NRG4: variants seen among roughly 807,000 people sequenced by gnomAD.
NRG4 encodes neuregulin 4.
NRG4 carries 10 observed loss-of-function variants against 15.0 expected under a neutral mutation model. The observed-to-expected ratio is 0.67, with a 90% CI of 0.41 to 1.13. The LOEUF (loss-of-function observed/expected upper bound fraction) is 1.13, where lower values mean the gene tolerates loss of function less well. Ranked by LOEUF, NRG4 falls within the 50% of genes most tolerant of loss-of-function variation. The pLI, the probability that NRG4 is intolerant of heterozygous loss-of-function variation, is 0.00. For missense variants in NRG4, 139 were observed against 140.2 expected (o/e 0.99, Z 0.04); for synonymous variants, 41 against 50.1 (o/e 0.82, Z 0.77).
intron 3 of NRG4, among the ~76,000 whole-genome samples, chr15:76,000,043 C>T (rs886250126): frequency 2.0e-5 from 3 of 152,064 alleles, no homozygotes; most frequent in Admixed American, 2.0e-4. Flanking sequence ...GCCACCACAC[C>T]TGGCTACTTT....
chr15:76,059,041 G>A (rs1278909632), intron 1 of NRG4, among the ~76,000 whole-genome samples: 1 of 152,082 alleles, frequency 6.6e-6, no homozygotes, highest in Non-Finnish European at 1.5e-5. Flanking sequence ...TGCCTCCAAG[G>A]GGCGCAATGT....
chr15:75,956,690 G>C (rs1023446814), intron 4 of NRG4, among the ~76,000 whole-genome samples: 2 of 152,142 alleles, frequency 1.3e-5, no homozygotes, highest in African/African-American at 4.8e-5. Context: ...TTCTAGCCCA[G>C]ATTTTAGCAT....
At chr15:75,953,838 C>A (rs989617099) in intron 5 of NRG4, among the ~76,000 whole-genome samples, 2 of 152,132 alleles carry the variant, frequency 1.3e-5, no homozygotes, top group African/African-American at 2.4e-5. Flanking sequence ...AGATATGCAC[C>A]ATCATGCCCA....
chr15:76,014,500 C>T (rs1217654156), upstream of NRG4, among the ~76,000 whole-genome samples: 1 of 152,070 alleles, frequency 6.6e-6, no homozygotes, highest in Non-Finnish European at 1.5e-5. Flanking sequence ...GTCTTTAATC[C>T]ATCTTGAATT....
At chr15:76,014,797 C>A (rs568889752), upstream of NRG4, among the ~76,000 whole-genome samples, 1 of 152,014 alleles carries the variant, frequency 6.6e-6, no homozygotes, top group South Asian at 2.1e-4. Context: ...AGCTTTGTTC[C>A]TTTTGGTTAG....
chr15:75,969,234 G>T, intron 3 of NRG4: 1 of 456,176 alleles, frequency 2.2e-6, no homozygotes, highest in Non-Finnish European at 4.4e-6. Flanking sequence ...CCTGACAAAA[G>T]AAGTTAAGTA....
At chr15:75,986,696 T>A (rs538299881) in intron 3 of NRG4, among the ~76,000 whole-genome samples, 39 of 152,294 alleles carry the variant, frequency 2.6e-4, no homozygotes, top group East Asian at 7.7e-4. Flanking sequence ...ATTATCAATT[T>A]AAAAAAATTA....
intron 5 of NRG4, among the ~76,000 whole-genome samples, chr15:75,948,535 G>A (rs943266754): frequency 2.0e-5 from 3 of 151,854 alleles, no homozygotes; most frequent in South Asian, 4.1e-4. Flanking sequence ...TCCTGACCTC[G>A]TGATCCGCCC....
chr15:76,024,254 TG>T (rs1567116732), intron 5 of NRG4, among the ~76,000 whole-genome samples: 1 of 152,138 alleles, frequency 6.6e-6, no homozygotes, highest in East Asian at 1.9e-4. Context: ...GAAATAGCCC[TG>T]GGGGCTGCAC....
At chr15:76,001,699 G>A (rs2034422852) in intron 3 of NRG4, among the ~76,000 whole-genome samples, 1 of 152,200 alleles carries the variant, frequency 6.6e-6, no homozygotes, top group African/African-American at 2.4e-5. Flanking sequence ...AAGAAGTACT[G>A]GAAGTTTAGA....
At chr15:75,976,477 T>G (rs1314292160) in intron 3 of NRG4, among the ~76,000 whole-genome samples, 2 of 152,238 alleles carry the variant, frequency 1.3e-5, no homozygotes, top group South Asian at 4.1e-4. Context: ...CGTGGATTTA[T>G]CTACCTTTGG....
chr15:75,954,412 T>C (rs1368579214), intron 5 of NRG4, among the ~76,000 whole-genome samples: 1 of 147,610 alleles, frequency 6.8e-6, no homozygotes, highest in Non-Finnish European at 1.5e-5. Flanking sequence ...ATTTAAAGCA[T>C]CTGTATCAAT....
At chr15:76,041,758 G>A (rs183036789) in intron 4 of NRG4, among the ~76,000 whole-genome samples, 99 of 152,132 alleles carry the variant, frequency 6.5e-4, no homozygotes, top group Middle Eastern at 3.4e-3. Context: ...CACTTTAAGC[G>A]TTGGACAGAT....
chr15:75,990,233 C>G (rs947338806), intron 3 of NRG4, among the ~76,000 whole-genome samples: 11 of 152,166 alleles, frequency 7.2e-5, no homozygotes, highest in African/African-American at 2.7e-4. Flanking sequence ...ATTTCTGGAA[C>G]TCTTTCTCTT....
At position 75,943,770 on chromosome 15, in the gene NRG4, G is replaced by GTGAT. The variant is rs149841455; in HGVS notation, c.332-120_332-117dup. 1.5e-5 allele frequency: 10 copies of GTGAT among 680,444 alleles called. No homozygotes were observed. The East Asian group carries it at 2.2e-4, about 15-fold the overall frequency. The allele number at this position is 680,444 out of a possible 1,614,324, so 42.2% of individuals were successfully genotyped here. ...ATATATAAGCCAACCCCTTCTGTTT[G>GTGAT]TGATAGGATGTGTTGAGGTAAACTA... On this transcript the variant is annotated intron_variant, in intron 5 of 5. Coordinates refer to ENST00000394907, the MANE Select transcript of NRG4 (RefSeq NM_138573.4).
chr15:76,046,962 A>G (rs2035882575), intron 4 of NRG4, among the ~76,000 whole-genome samples: 1 of 151,042 alleles, frequency 6.6e-6, no homozygotes, highest in Non-Finnish European at 1.5e-5. Flanking sequence ...CAATAGCAAA[A>G]AAATATATAC....
At chr15:75,961,791 A>C in intron 4 of NRG4, 37 bp downstream of exon 4, 5 of 1,497,992 alleles carry the variant, frequency 3.3e-6, no homozygotes, top group Non-Finnish European at 4.6e-6. Context: ...TACTTTATGT[A>C]TTACTTTTCT....
chr15:76,052,484 T>A (rs1026260761), intron 3 of NRG4, among the ~76,000 whole-genome samples: 1 of 151,120 alleles, frequency 6.6e-6, no homozygotes, highest in Non-Finnish European at 1.5e-5. Flanking sequence ...AGCCACTTCA[T>A]ACTATGCAAA....
At chr15:76,015,836 G>A (rs1206663770), upstream of NRG4, among the ~76,000 whole-genome samples, 3 of 152,138 alleles carry the variant, frequency 2.0e-5, no homozygotes, top group South Asian at 2.1e-4. Context: ...GCCAGGCTTT[G>A]GTATCAGGAT....
Sources: gnomAD v4.1 joint callset for allele counts (sites outside exome capture counted in the v4.1 genomes callset) on GRCh38, gnomAD v4.1.1 for gene constraint, MANE v1.5 for transcripts, NCBI Gene and HGNC (gene_info 2026-07-23, HGNC 2026-07-21) for gene names.